The following RBPJ variants were observed in gnomAD, a reference collection of about 807,000 sequenced individuals.
RBPJ encodes the protein recombining binding protein suppressor of hairless.
RBPJ carries 9 observed loss-of-function variants against 67.8 expected under a neutral mutation model. That is an observed-to-expected ratio of 0.13 (90% CI 0.08 to 0.23). The LOEUF is 0.23. Ranked by LOEUF, RBPJ falls within the 10% of genes least tolerant of loss-of-function variation. The pLI is 1.00. For synonymous variants in RBPJ, 198 were observed against 203.3 expected (o/e 0.97, Z 0.22); for missense variants, 305 against 595.6 (o/e 0.51, Z 5.08).
At chr4:26,188,804 A>G (rs1717369515) in intron 1 of RBPJ, among the ~76,000 whole-genome samples, 1 of 152,234 alleles carries the variant, frequency 6.6e-6, no homozygotes, top group African/African-American at 2.4e-5. Flanking sequence ...CCACTGAGGA[A>G]TAAATTATGC....
chr4:26,411,950 A>AG (rs1734060400), intron 3 of RBPJ, among the ~76,000 whole-genome samples: 3 of 149,822 alleles, frequency 2.0e-5, no homozygotes, highest in African/African-American at 7.4e-5. Flanking sequence ...TACTAAAAAT[A>AG]CAAAAAAAAA....
chr4:26,287,754 G>A, intron 1 of RBPJ, among the ~76,000 whole-genome samples: 2 of 150,382 alleles, frequency 1.3e-5, no homozygotes, highest in Admixed American at 1.3e-4. Flanking sequence ...AAGGCAGGAA[G>A]GCAGGACAGA....
At chr4:26,224,145 T>C (rs547698037) in intron 1 of RBPJ, among the ~76,000 whole-genome samples, 30 of 152,284 alleles carry the variant, frequency 2.0e-4, no homozygotes, top group African/African-American at 7.0e-4. Context: ...ACACAGAACA[T>C]CTATCTTGGA....
chr4:26,201,082 T>A (rs573541475), intron 1 of RBPJ, among the ~76,000 whole-genome samples: 1 of 152,316 alleles, frequency 6.6e-6, no homozygotes, highest in East Asian at 1.9e-4. Flanking sequence ...GTCTCTCTAC[T>A]CTGTAATTTC....
At chr4:26,153,295 A>G in the RBPJ span, among the ~76,000 whole-genome samples, 1 of 152,206 alleles carries the variant, frequency 6.6e-6, no homozygotes, top group Non-Finnish European at 1.5e-5. Flanking sequence ...ATTTTAAGGT[A>G]AAAAACATGA....
intron 1 of RBPJ, among the ~76,000 whole-genome samples, chr4:26,209,703 C>G (rs189970338): frequency 3.0e-4 from 30 of 99,016 alleles, no homozygotes; most frequent in South Asian, 1.3e-3. Context: ...CCTTCCCTCT[C>G]TCCCTCCCTT....
At chr4:26,331,905 G>C (rs1488540583) in intron 1 of RBPJ, among the ~76,000 whole-genome samples, 1 of 152,252 alleles carries the variant, frequency 6.6e-6, no homozygotes. Flanking sequence ...CTGTCATACA[G>C]AGAAGAGAGG....
chr4:26,265,039 C>A (rs1032945735), intron 1 of RBPJ, among the ~76,000 whole-genome samples: 9 of 151,992 alleles, frequency 5.9e-5, no homozygotes, highest in African/African-American at 2.2e-4. Flanking sequence ...GGGGTATAGG[C>A]AATTTTGAGG....
chr4:26,275,670 T>C (rs1464237829), intron 1 of RBPJ, among the ~76,000 whole-genome samples: 1 of 152,108 alleles, frequency 6.6e-6, no homozygotes, highest in Non-Finnish European at 1.5e-5. Flanking sequence ...CTCGTACTGT[T>C]GCCAGGCTGG....
chr4:26,306,739 G>A (rs531149410), intron 1 of RBPJ, among the ~76,000 whole-genome samples: 1 of 152,140 alleles, frequency 6.6e-6, no homozygotes, highest in Non-Finnish European at 1.5e-5. Context: ...ATGAGTCACT[G>A]TGCCCGGCTG....
intron 1 of RBPJ, among the ~76,000 whole-genome samples, chr4:26,314,534 G>A (rs1722539985): frequency 6.6e-6 from 1 of 152,088 alleles, no homozygotes; most frequent in African/African-American, 2.4e-5. Flanking sequence ...TCTTCTTGGT[G>A]CTGTTCTTGT....
intron 1 of RBPJ, among the ~76,000 whole-genome samples, chr4:26,275,483 G>T (rs542807363): frequency 6.6e-6 from 1 of 152,144 alleles, no homozygotes; most frequent in Non-Finnish European, 1.5e-5. Context: ...ACCGGAAAAA[G>T]AAATTAAAAC....
intron 1 of RBPJ, among the ~76,000 whole-genome samples, chr4:26,243,015 T>A (rs777806137): frequency 1.4e-4 from 21 of 152,152 alleles, no homozygotes; most frequent in Non-Finnish European, 2.4e-4. Flanking sequence ...TCGCCTAAGG[T>A]TGGGCGTTCG....
intron 1 of RBPJ, among the ~76,000 whole-genome samples, chr4:26,257,671 T>C (rs982917280): frequency 2.0e-5 from 3 of 152,204 alleles, no homozygotes; most frequent in Admixed American, 1.3e-4. Flanking sequence ...CCAAGACATA[T>C]GCTGCCCCTC....
intron 1 of RBPJ, among the ~76,000 whole-genome samples, chr4:26,171,960 G>A (rs764477066): frequency 3.3e-5 from 5 of 152,194 alleles, no homozygotes; most frequent in Non-Finnish European, 5.9e-5. Flanking sequence ...CTCTGGATCC[G>A]GTAAGTGGGA....
rs2109199405 is a variant in RBPJ at position 26,227,359 on chromosome 4, G to A, written c.-167+63745G>A. ...ACCCGGCTAGTTGCCCAACATCTAT[G>A]TATAATAAATGGAAAATAATAATGG... On this transcript the variant is annotated intron_variant, in intron 1 of 4. Transcript: ENST00000512351. Among the ~76,000 whole-genome samples the A allele has an allele frequency of 1.3e-5, 2 of 152,288 alleles. 1 individual carries two copies. Among genetic ancestry groups the A allele is most frequent in the South Asian group, 4.1e-4 (2 of 4,828 alleles).
At chr4:26,131,937 CAAGACT>C in the RBPJ span, among the ~76,000 whole-genome samples, 10 of 152,274 alleles carry the variant, frequency 6.6e-5, no homozygotes, top group South Asian at 1.7e-3. Flanking sequence ...GAGGAAGTAC[CAAGACT>C]ATTAGCGGGG....
chr4:26,330,033 G>A (rs1724069698), intron 1 of RBPJ, among the ~76,000 whole-genome samples: 1 of 152,302 alleles, frequency 6.6e-6, no homozygotes, highest in South Asian at 2.1e-4. Context: ...AGAAGGGAGG[G>A]TAGGAAAAAA....
chr4:26,419,061 C>T (rs1261923966), intron 4 of RBPJ, among the ~76,000 whole-genome samples: 1 of 152,212 alleles, frequency 6.6e-6, no homozygotes, highest in Non-Finnish European at 1.5e-5. Flanking sequence ...CCATTACAAC[C>T]TCTGCCTCCT....
Sources: gnomAD v4.1 joint callset for allele counts (sites outside exome capture counted in the v4.1 genomes callset) on GRCh38, gnomAD v4.1.1 for gene constraint, MANE v1.5 for transcripts, NCBI Gene and HGNC (gene_info 2026-07-23, HGNC 2026-07-21) for gene names.